The following SVEP1 variants were observed in gnomAD, a reference collection of about 807,000 sequenced individuals.
The protein encoded by SVEP1 is sushi, von Willebrand factor type A, EGF and pentraxin domain-containing protein 1.
In SVEP1, 164 loss-of-function variants were observed where a neutral mutation model predicts 367.3. The observed-to-expected ratio is 0.45, with a 90% confidence interval of 0.39 to 0.51. The LOEUF is 0.51. Ranked by LOEUF, SVEP1 falls within the 20% of genes least tolerant of loss-of-function variation. SVEP1 has a pLI of 0.00. For missense variants in SVEP1, 4,117 were observed against 4,425.3 expected, an observed-to-expected ratio of 0.93 and a Z score of 1.98; for synonymous variants, 1,666 against 1,611.6, an observed-to-expected ratio of 1.03 and a Z score of -0.81.
chr9:110,530,522 A>G (rs1830004284), intron 3 of SVEP1, among the ~76,000 whole-genome samples: 1 of 152,002 alleles, frequency 6.6e-6, no homozygotes, highest in Non-Finnish European at 1.5e-5. Context: ...TTATTCATAC[A>G]TCAGTTTTTT....
At chr9:110,400,310 G>A (rs893193583) in intron 40 of SVEP1, among the ~76,000 whole-genome samples, 8 of 151,930 alleles carry the variant, frequency 5.3e-5, no homozygotes, top group South Asian at 2.1e-4. Flanking sequence ...TGTGGTTTGC[G>A]AACTTACTTT....
At chr9:110,373,495 G>GTGTT (rs2118940679) in intron 46 of SVEP1, among the ~76,000 whole-genome samples, 1 of 152,202 alleles carries the variant, frequency 6.6e-6, no homozygotes, top group East Asian at 1.9e-4. Flanking sequence ...ACAAGCTCTG[G>GTGTT]TGTTAGGAAG....
intron 1 of SVEP1, among the ~76,000 whole-genome samples, chr9:110,570,242 T>G (rs1830539135): frequency 6.6e-6 from 1 of 152,186 alleles, no homozygotes; most frequent in Non-Finnish European, 1.5e-5. Flanking sequence ...TTCCTTTCAA[T>G]GTAGACATGT....
chr9:110,429,399 C>A, intron 34 of SVEP1, 65 bp from the exon 35 acceptor site: 1 of 1,128,546 alleles, frequency 8.9e-7, no homozygotes, highest in Non-Finnish European at 1.2e-6. Context: ...TTATCTGTGC[C>A]AAAAACCTCT....
intron 39 of SVEP1, among the ~76,000 whole-genome samples, chr9:110,401,671 G>A (rs1156573243): frequency 1.3e-5 from 2 of 151,418 alleles, no homozygotes; most frequent in Admixed American, 6.6e-5. Context: ...ACAATAATAT[G>A]TAGCTTTTAA....
chr9:110,467,823 A>T (rs538631057), intron 17 of SVEP1, among the ~76,000 whole-genome samples: 1 of 151,794 alleles, frequency 6.6e-6, no homozygotes, highest in Non-Finnish European at 1.5e-5. Context: ...TTTTGTAGAG[A>T]CAGGATTTTG....
intron 1 of SVEP1, among the ~76,000 whole-genome samples, chr9:110,578,029 G>C (rs573387765): frequency 1.3e-5 from 2 of 152,150 alleles, no homozygotes; most frequent in Non-Finnish European, 2.9e-5. Context: ...CCCTCCAAGG[G>C]AGAAATGGAC....
rs555298571 is a variant in SVEP1, at chr9:110,568,274, C to T, written c.531+10739G>A. Among the ~76,000 whole-genome samples the T allele has an allele frequency of 1.6e-4, 24 of 152,278 alleles. No homozygotes were observed. The South Asian group carries it at 4.8e-3, about 30-fold the overall frequency. On this transcript the variant is annotated intron_variant, in intron 1 of 47. Transcript: ENST00000374469. ...AGGCACAGGGGCAAATCAAGGCTCC[C>T]GCTCAAGTTCTAAGAGTGCACATAG...
chr9:110,385,750 T>C, intron 43 of SVEP1, 148 bp downstream of exon 43: 1 of 923,354 alleles, frequency 1.1e-6, no homozygotes, highest in South Asian at 3.1e-5. Context: ...TTAAAAGAAA[T>C]TTACAAACAT....
At chr9:110,578,947 G>C in intron 1 of SVEP1, 66 bp downstream of exon 1, 3 of 1,507,830 alleles carry the variant, frequency 2.0e-6, no homozygotes, top group Non-Finnish European at 2.7e-6. Flanking sequence ...GATAGAGACG[G>C]GCAGGCAGCG....
At chr9:110,439,362 C>T (rs1309523760) in intron 27 of SVEP1, among the ~76,000 whole-genome samples, 1 of 152,090 alleles carries the variant, frequency 6.6e-6, no homozygotes, top group Non-Finnish European at 1.5e-5. Context: ...TTCTAGCCTG[C>T]AGGACTACAA....
intron 16 of SVEP1, among the ~76,000 whole-genome samples, chr9:110,469,532 T>C (rs531104856): frequency 6.6e-6 from 1 of 152,340 alleles, no homozygotes; most frequent in African/African-American, 2.4e-5. Context: ...CCATTGAAAC[T>C]GACTGCTTGT....
Position 110,457,328 on chromosome 9 carries a change from G to A in SVEP1, c.3601C>T (p.Pro1201Ser). ...TGGCAGGTTCCACTATTGTGGCAAG[G>A]GTTAAAGAAGCATTCATGGAAAACC... ...SQVFHECFFNPCHNSGTCQQL... is the reference protein window; with the variant it reads ...SQVFHECFFNSCHNSGTCQQL... The change falls in exon 21 of 48, where the codon CCT becomes TCT. Residue 1201 changes from proline (P) to serine (S), a missense_variant. This residue lies in a region of SVEP1 where 2,174 missense variants were observed against 2,494.3 expected (regional missense o/e 0.87). Coordinates refer to ENST00000374469, the MANE Select transcript of SVEP1 (RefSeq NM_153366.4). 3 of 1,611,372 alleles carry A rather than the reference G, an allele frequency of 1.9e-6. No homozygotes were observed. Among genetic ancestry groups the A allele is most frequent in the Non-Finnish European group, 2.5e-6 (3 of 1,179,292 alleles).
At chr9:110,432,371 A>C in intron 31 of SVEP1, 91 bp downstream of exon 31, 3 of 1,464,376 alleles carry the variant, frequency 2.0e-6, no homozygotes, top group Non-Finnish European at 2.8e-6. Flanking sequence ...AAGTTAACAA[A>C]GCAATGCCTC....
chr9:110,455,212 G>A (rs1460252723), intron 22 of SVEP1, among the ~76,000 whole-genome samples: 1 of 152,110 alleles, frequency 6.6e-6, no homozygotes, highest in African/African-American at 2.4e-5. Context: ...AAAGCTTGGG[G>A]ATGACCTTGT....
In SVEP1 at chr9:110,408,894, T is replaced by TA. The variant is rs765738103; in HGVS notation, c.6705dup (p.Lys2236Ter). 6.2e-7 allele frequency: 1 copy of TA among 1,612,570 alleles called. No individual in the cohort carries two copies. Among genetic ancestry groups the TA allele is most frequent in the Non-Finnish European group, 8.5e-7 (1 of 1,179,256 alleles). ...ACAAATACAGGACTTCCGACTGACT[T>TA]ATAGCCCGGGTTACACTGATACCTC... On this transcript the variant is annotated frameshift_variant, in exon 38 of 48. Transcript: ENST00000374469. LOFTEE classifies it high-confidence loss of function.
At chr9:110,558,939 T>C (rs987236539) in intron 1 of SVEP1, among the ~76,000 whole-genome samples, 13 of 152,050 alleles carry the variant, frequency 8.5e-5, no homozygotes, top group African/African-American at 3.1e-4. Context: ...TGCAACACAA[T>C]TATTACCCCA....
chr9:110,556,481 CT>C (rs1284501589), intron 1 of SVEP1, among the ~76,000 whole-genome samples: 1 of 152,024 alleles, frequency 6.6e-6, no homozygotes, highest in Non-Finnish European at 1.5e-5. Context: ...CTAATAAAGT[CT>C]TTTTTTGTTG....
chr9:110,516,201 TAAA>T (rs1246567837), intron 3 of SVEP1, among the ~76,000 whole-genome samples: 1 of 149,172 alleles, frequency 6.7e-6, no homozygotes, highest in East Asian at 1.9e-4. Context: ...AAATATAAAA[TAAA>T]AATATAATAT....
Sources: gnomAD v4.1 joint callset for allele counts (sites outside exome capture counted in the v4.1 genomes callset) on GRCh38, gnomAD v4.1.1 for gene constraint, gnomAD v4.1.1 regional missense constraint, MANE v1.5 for transcripts, NCBI Gene and HGNC (gene_info 2026-07-23, HGNC 2026-07-21) for gene names.